Variants in DMD observed in about 807,000 individuals in gnomAD.
DMD encodes the protein mutant dystrophin.
DMD carries 63 observed loss-of-function variants against 330.1 expected under a neutral mutation model. That is an observed-to-expected ratio of 0.19 (90% CI 0.16 to 0.24). The LOEUF is 0.24. DMD is among the 10% of genes least tolerant of loss of function. DMD has a pLI of 1.00. For synonymous variants in DMD, 1,223 were observed against 959.8 expected (o/e 1.27, Z -5.07); for missense variants, 3,344 against 2,684.1 (o/e 1.25, Z -5.43).
At chrX:33,040,269 G>A (rs758653661) in intron 1 of DMD, among the ~76,000 whole-genome samples, 31 of 110,588 alleles carry the variant, frequency 2.8e-4, no homozygotes, top group Non-Finnish European at 1.5e-4. Flanking sequence ...TCTAAAAGGC[G>A]TAAGATTTAA....
At chrX:32,763,599 A>G (rs2072598859) in intron 7 of DMD, among the ~76,000 whole-genome samples, 2 of 111,987 alleles carry the variant, frequency 1.8e-5, no homozygotes, top group Non-Finnish European at 3.8e-5. Flanking sequence ...AAAGTGATGA[A>G]TAACATACAA....
intron 43 of DMD, among the ~76,000 whole-genome samples, chrX:32,269,075 G>T (rs1330031535): frequency 9.0e-6 from 1 of 111,259 alleles, no homozygotes; most frequent in Non-Finnish European, 1.9e-5. Flanking sequence ...TTCCCGATAA[G>T]ATCGCAGGAG....
chrX:32,524,698 C>G (rs777037040), intron 17 of DMD, among the ~76,000 whole-genome samples: 3 of 112,083 alleles, frequency 2.7e-5, no homozygotes, highest in Non-Finnish European at 5.6e-5. Context: ...CCAGTTGGCA[C>G]GTAGTTCTGA....
intron 45 of DMD, among the ~76,000 whole-genome samples, chrX:31,943,711 C>T (rs1024911124): frequency 9.0e-6 from 1 of 111,074 alleles, no homozygotes; most frequent in Admixed American, 9.7e-5. Context: ...TTTTTCCCCT[C>T]TGGGCTTTAT....
chrX:31,936,534 T>C (rs886449093), intron 45 of DMD, among the ~76,000 whole-genome samples: 25 of 112,035 alleles, frequency 2.2e-4, no homozygotes, highest in Admixed American at 2.2e-3. Flanking sequence ...ATCGGCAATG[T>C]CTGTTGCCCA....
chrX:32,600,585 C>A (rs2056084368), intron 12 of DMD, among the ~76,000 whole-genome samples: 1 of 73,997 alleles, frequency 1.4e-5, no homozygotes, highest in Non-Finnish European at 2.3e-5. Context: ...CACACACACA[C>A]AAACACGCAC....
At chrX:31,573,647 G>A (rs1366585491) in intron 55 of DMD, among the ~76,000 whole-genome samples, 2 of 111,712 alleles carry the variant, frequency 1.8e-5, no homozygotes, top group Non-Finnish European at 3.8e-5. Flanking sequence ...TGTGAATTCT[G>A]GCTTTTTAAA....
At chrX:31,307,389 C>G (rs1023762195) in intron 62 of DMD, among the ~76,000 whole-genome samples, 1 of 111,534 alleles carries the variant, frequency 9.0e-6, no homozygotes, top group Non-Finnish European at 1.9e-5. Context: ...ACAATACATT[C>G]AAGGACTTGG....
intron 43 of DMD, among the ~76,000 whole-genome samples, chrX:32,231,740 TAC>T (rs909625808): frequency 6.3e-5 from 7 of 111,871 alleles, no homozygotes; most frequent in Non-Finnish European, 1.3e-4. Flanking sequence ...CAAGAGCCTA[TAC>T]ACACATAAAA....
chrX:32,671,820 T>A (rs1272508590), intron 9 of DMD, among the ~76,000 whole-genome samples: 3 of 111,750 alleles, frequency 2.7e-5, no homozygotes, highest in Non-Finnish European at 3.8e-5. Flanking sequence ...CAAATTTAAA[T>A]AACAATCCAA....
chrX:31,816,808 A>ACACACACACC (rs1556914995), intron 50 of DMD, among the ~76,000 whole-genome samples: 1 of 108,344 alleles, frequency 9.2e-6, no homozygotes, highest in Non-Finnish European at 1.9e-5. Context: ...ACACACACAC[A>ACACACACACC]CACACACACA....
At chrX:32,146,646 T>C (rs2096779693) in intron 44 of DMD, among the ~76,000 whole-genome samples, 1 of 112,188 alleles carries the variant, frequency 8.9e-6, no homozygotes, top group African/African-American at 3.2e-5. Flanking sequence ...GTAGTTGGTA[T>C]TTGGCTCTTA....
chrX:31,969,970 G>A (rs996773246), intron 44 of DMD, among the ~76,000 whole-genome samples: 1 of 111,605 alleles, frequency 9.0e-6, no homozygotes, highest in Non-Finnish European at 1.9e-5. Context: ...TCAGATCAGC[G>A]TTGCATGTGA....
At position 32,386,305 on chromosome X, in the gene DMD, C is replaced by T; in HGVS notation, c.4674+5G>A. 8.3e-7 allele frequency: 1 copy of T among 1,208,568 alleles called. No homozygotes were observed. The highest frequency in any genetic ancestry group is 1.1e-6 in the Non-Finnish European group (1 of 893,254). On this transcript the variant is annotated splice_donor_5th_base_variant and intron_variant, in intron 33 of 78. Coordinates refer to ENST00000357033, the MANE Select transcript of DMD (RefSeq NM_004006.3). ...GAAGTGTTTGTGGTCTCAGCATGCA[C>T]ACACCTTTGCTCCCAGCTCATTATA...
chrX:32,518,402 C>T (rs1005717626), intron 17 of DMD, among the ~76,000 whole-genome samples: 2 of 109,688 alleles, frequency 1.8e-5, no homozygotes, highest in East Asian at 5.8e-4. Flanking sequence ...TATTACCCAG[C>T]CTCTGCTTGA....
chrX:32,541,278 C>A (rs1239683555), intron 17 of DMD, among the ~76,000 whole-genome samples: 1 of 111,082 alleles, frequency 9.0e-6, no homozygotes, highest in Non-Finnish European at 1.9e-5. Flanking sequence ...CCACCACCAT[C>A]ATCATCATCT....
At chrX:32,126,254 C>A (rs1443041823) in intron 44 of DMD, among the ~76,000 whole-genome samples, 1 of 111,905 alleles carries the variant, frequency 8.9e-6, no homozygotes, top group Non-Finnish European at 1.9e-5. Context: ...GATAGTGGTG[C>A]CAGGGGAAAG....
chrX:33,155,389 C>T (rs978664045), intron 1 of DMD, among the ~76,000 whole-genome samples: 1 of 108,429 alleles, frequency 9.2e-6, no homozygotes, highest in African/African-American at 3.4e-5. Context: ...AATCTCAGCT[C>T]ACTGCAACCT....
In DMD at chrX:32,510,251, C is replaced by G. The variant is rs1054786203; in HGVS notation, c.2292+7757G>C. Among the ~76,000 whole-genome samples, 10 of 111,793 alleles carry G rather than the reference C, an allele frequency of 8.9e-5. No individual in the cohort carries two copies. The Admixed American group carries it at 9.5e-4, about 11-fold the overall frequency. ...TGCTGCAGCCACACGCTTACCTTTT[C>G]CCTGATGCTACAGGCATGCTGCTGT... On this transcript the variant is annotated intron_variant, in intron 18 of 78. Coordinates refer to ENST00000357033, the MANE Select transcript of DMD (RefSeq NM_004006.3).
Sources: allele counts gnomAD v4.1 joint callset (sites outside exome capture counted in the v4.1 genomes callset), GRCh38; gene constraint gnomAD v4.1.1; transcripts MANE v1.5; gene names NCBI Gene and HGNC (gene_info 2026-07-23, HGNC 2026-07-21).